Variants in RNF214 observed in about 807,000 individuals in gnomAD.
The protein encoded by RNF214 is ring finger protein 214.
Under a neutral mutation model 75.9 loss-of-function variants are expected in RNF214, and 25 were observed. The ratio of observed to expected loss-of-function variants is 0.33; its 90% CI spans 0.24 to 0.46. The LOEUF (loss-of-function observed/expected upper bound fraction) is 0.46. Ranked by LOEUF, RNF214 falls within the 20% of genes least tolerant of loss-of-function variation. RNF214 has a pLI of 1.00. For missense variants in RNF214, 725 were observed against 857.5 expected, an observed-to-expected ratio of 0.85 and a Z score of 1.93; for synonymous variants, 314 against 308.8, an observed-to-expected ratio of 1.02 and a Z score of -0.18.
chr11:117,237,890 A>G lies in RNF214; in HGVS notation c.108-711A>G, dbSNP rs575650490. Among the ~76,000 whole-genome samples, 3 of 152,326 alleles carry G rather than the reference A, an allele frequency of 2.0e-5. No homozygotes were observed. The South Asian group carries it at 6.2e-4, about 32-fold the overall frequency. ...GTGGTTCTGGTCAAAGATCTGTATA[A>G]TGAGTTTGAATGAAAATTATTCCTG... On this transcript the variant is annotated intron_variant, in intron 2 of 14. Coordinates refer to ENST00000300650, the MANE Select transcript of RNF214 (RefSeq NM_207343.4).
intron 4 of RNF214, among the ~76,000 whole-genome samples, chr11:117,240,650 T>G (rs1163998909): frequency 6.6e-6 from 1 of 152,044 alleles, no homozygotes; most frequent in African/African-American, 2.4e-5. Flanking sequence ...ATTGCACCAC[T>G]GCACCCCAGC....
chr11:117,252,807 G>T (rs188080993), intron 6 of RNF214, among the ~76,000 whole-genome samples: 1 of 152,124 alleles, frequency 6.6e-6, no homozygotes, highest in South Asian at 2.1e-4. Flanking sequence ...GGCATGAGCC[G>T]CCTCACCTGG....
intron 6 of RNF214, among the ~76,000 whole-genome samples, chr11:117,266,719 T>G (rs1377865737): frequency 6.6e-6 from 1 of 152,064 alleles, no homozygotes; most frequent in African/African-American, 2.4e-5. Flanking sequence ...ATTCCCCTTT[T>G]TCCTCCTGGG....
At chr11:117,237,175 G>C (rs948679101) in intron 2 of RNF214, among the ~76,000 whole-genome samples, 7 of 152,178 alleles carry the variant, frequency 4.6e-5, no homozygotes, top group Non-Finnish European at 1.0e-4. Context: ...CACCTCCTGG[G>C]CTTAAGCAGT....
intron 6 of RNF214, among the ~76,000 whole-genome samples, chr11:117,261,707 A>G (rs566472183): frequency 1.3e-5 from 2 of 152,052 alleles, no homozygotes; most frequent in African/African-American, 4.8e-5. Context: ...GTGCCGTGGC[A>G]TAGTCTCGGC....
intron 6 of RNF214, among the ~76,000 whole-genome samples, chr11:117,270,615 T>A (rs1166607401): frequency 6.9e-6 from 1 of 145,738 alleles, no homozygotes; most frequent in African/African-American, 2.5e-5. Context: ...ACCCGGCTAA[T>A]TTTTGTATTT....
intron 6 of RNF214, among the ~76,000 whole-genome samples, chr11:117,249,203 G>A (rs1358234081): frequency 6.6e-6 from 1 of 152,118 alleles, no homozygotes; most frequent in Non-Finnish European, 1.5e-5. Flanking sequence ...GGGATTACAG[G>A]TGTGAGCTAC....
At chr11:117,274,542 A>AT (rs2033975903) in intron 6 of RNF214, among the ~76,000 whole-genome samples, 1 of 148,688 alleles carries the variant, frequency 6.7e-6, no homozygotes, top group African/African-American at 2.5e-5. Context: ...TTTTTTTTGT[A>AT]TTTTTAGTAG....
chr11:117,258,809 T>C (rs2033590151), intron 6 of RNF214, among the ~76,000 whole-genome samples: 2 of 152,214 alleles, frequency 1.3e-5, no homozygotes, highest in South Asian at 4.1e-4. Flanking sequence ...TTGTGGTTTT[T>C]TACCATAGTT....
intron 6 of RNF214, among the ~76,000 whole-genome samples, chr11:117,278,266 T>TGA (rs1278515438): frequency 6.6e-6 from 1 of 152,156 alleles, no homozygotes; most frequent in African/African-American, 2.4e-5. Flanking sequence ...ATCACGCCAT[T>TGA]GCACTCTAGC....
chr11:117,269,327 A>C (rs117642362), intron 6 of RNF214, among the ~76,000 whole-genome samples: 1 of 152,214 alleles, frequency 6.6e-6, no homozygotes, highest in African/African-American at 2.4e-5. Context: ...GGGAGGTGGC[A>C]GGAAGATGAG....
At chr11:117,282,559 G>T (rs761977846) in intron 12 of RNF214, 23 bp downstream of exon 12, 5 of 1,612,230 alleles carry the variant, frequency 3.1e-6, no homozygotes, top group Non-Finnish European at 4.2e-6. Flanking sequence ...ACTTGGGAGA[G>T]AACTTAGGCA....
At chr11:117,279,620 A>C (rs1361426582) in intron 6 of RNF214, among the ~76,000 whole-genome samples, 1 of 152,212 alleles carries the variant, frequency 6.6e-6, no homozygotes, top group East Asian at 1.9e-4. Context: ...TACAGGCGTC[A>C]GCCACCACGC....
At chr11:117,285,003 C>T (rs916172046) in intron 14 of RNF214, 83 bp from the exon 15 acceptor site, 21 of 979,758 alleles carry the variant, frequency 2.1e-5, no homozygotes, top group Non-Finnish European at 2.9e-5. Flanking sequence ...TGACTTAGGC[C>T]TTGTTGAACC....
chr11:117,282,233 C>A lies in RNF214; in HGVS notation c.1675C>A (p.Leu559Met). The A allele has an allele frequency of 6.2e-7, 1 of 1,604,834 alleles. No homozygotes were observed. Among genetic ancestry groups the A allele is most frequent in the South Asian group, 1.1e-5 (1 of 89,798 alleles). The change falls in exon 11 of 15, where the codon CTG becomes ATG. Residue 559 changes from leucine to methionine, a missense_variant. This residue lies in a region of RNF214 where 363 missense variants were observed against 513.0 expected (regional missense o/e 0.71). Transcript: ENST00000300650. ...PQPVDKLEKILEKLLTRFPQC... is the reference protein window; with the variant it reads ...PQPVDKLEKIMEKLLTRFPQC... ...ACCAGTAGACAAACTGGAGAAGATCCTGGAGAAGCTGCTGACCCGGTTCCC... is the reference window on the plus strand; with the variant it reads ...ACCAGTAGACAAACTGGAGAAGATCATGGAGAAGCTGCTGACCCGGTTCCC...
Position 117,286,217 on chromosome 11 carries a change from A to G in RNF214, c.*1066A>G, listed in dbSNP as rs1166155193. The G allele has an allele frequency of 6.6e-6, 1 of 152,632 alleles. No homozygotes were observed. Among genetic ancestry groups the G allele is most frequent in the East Asian group, 1.9e-4 (1 of 5,202 alleles). The allele number at this position is 152,632 out of a possible 1,614,324, so 9.5% of individuals were successfully genotyped here. The stretch of plus-strand genomic sequence containing the variant: ...CTGTCCTGGGAAAAATGGAGACCAA[A>G]GTGATATTAAGAAAGTAGTTTGGAT... On this transcript the variant is annotated 3_prime_UTR_variant, in exon 15 of 15. Transcript: ENST00000300650.
intron 4 of RNF214, among the ~76,000 whole-genome samples, chr11:117,240,710 T>C (rs925350587): frequency 2.0e-5 from 3 of 151,464 alleles, no homozygotes; most frequent in Non-Finnish European, 2.9e-5. Context: ...AAACCTCTTA[T>C]TAGATTTTGT....
chr11:117,251,020 A>T (rs1484532673), intron 6 of RNF214, among the ~76,000 whole-genome samples: 1 of 148,790 alleles, frequency 6.7e-6, no homozygotes, highest in Non-Finnish European at 1.5e-5. Context: ...ACCTCTTTCT[A>T]CACAGACACG....
In RNF214 at chr11:117,238,774, T is replaced by G; in HGVS notation, c.281T>G (p.Ile94Arg). Residue 94 changes from isoleucine (I) to arginine (R), a missense_variant, in exon 3 of 15, where the codon ATA becomes AGA. Physicochemically the swap from Ile to Arg is moderately conservative, Grantham distance 97 (BLOSUM62 -3). This residue lies in a region of RNF214 where 362 missense variants were observed against 344.5 expected (regional missense o/e 1.05). Transcript: ENST00000300650. ...AHQVVLGENL[I>R]ATALCLSGSG... is the part of the protein sequence containing the mutation. ...CAGGTGGTTTTAGGAGAAAACTTGATAGCCACAGCCCTTTGTCTTTCTGGC... is the reference window on the plus strand; with the variant it reads ...CAGGTGGTTTTAGGAGAAAACTTGAGAGCCACAGCCCTTTGTCTTTCTGGC... The G allele has an allele frequency of 6.2e-7, 1 of 1,614,204 alleles. No homozygotes were observed. The highest frequency in any genetic ancestry group is 8.5e-7 in the Non-Finnish European group (1 of 1,180,042).
Sources: allele counts gnomAD v4.1 joint callset (sites outside exome capture counted in the v4.1 genomes callset), GRCh38; gene constraint gnomAD v4.1.1; regional missense constraint gnomAD v4.1.1; transcripts MANE v1.5; gene names NCBI Gene and HGNC (gene_info 2026-07-23, HGNC 2026-07-21).